PRRC2B: variants seen among roughly 807,000 people sequenced by gnomAD.
PRRC2B encodes the protein protein PRRC2B.
Under a neutral mutation model 242.3 loss-of-function variants are expected in PRRC2B, and 68 were observed. That is an observed-to-expected ratio of 0.28 (90% CI 0.23 to 0.34). The LOEUF (loss-of-function observed/expected upper bound fraction) is 0.34. Among genes scored for constraint, PRRC2B ranks in the 10% least tolerant of loss-of-function variants. PRRC2B has a pLI of 1.00. For missense variants in PRRC2B, 2,835 were observed against 2,954.8 expected (o/e 0.96, Z 0.94); for synonymous variants, 1,228 against 1,173.6 (o/e 1.05, Z -0.95).
At chr9:131,462,969 GTC>G (rs1943286733) in intron 11 of PRRC2B, among the ~76,000 whole-genome samples, 1 of 119,144 alleles carries the variant, frequency 8.4e-6, no homozygotes. Flanking sequence ...TGCCCTCTGA[GTC>G]TATTATTTCC....
At chr9:131,483,598 C>T (rs1461675110) in intron 23 of PRRC2B, among the ~76,000 whole-genome samples, 153 bp downstream of exon 23, 1 of 152,182 alleles carries the variant, frequency 6.6e-6, no homozygotes, top group African/African-American at 2.4e-5. Flanking sequence ...TTAAATGTTC[C>T]TGCCCAGGTT....
intron 1 of PRRC2B, among the ~76,000 whole-genome samples, chr9:131,426,337 C>CAAAAAA (rs5900939): frequency 1.2e-5 from 1 of 84,460 alleles, no homozygotes; most frequent in African/African-American, 4.2e-5. Flanking sequence ...AACTCTGTCT[C>CAAAAAA]AAAAAAAAAA....
At chr9:131,438,957 TG>T in intron 4 of PRRC2B, 31 bp from the exon 5 acceptor site, 1 of 1,558,564 alleles carries the variant, frequency 6.4e-7, no homozygotes, top group Non-Finnish European at 8.8e-7. Flanking sequence ...ATAAGGGAGC[TG>T]GCCCTCTTCT....
chr9:131,415,177 A>T (rs1034264052), intron 1 of PRRC2B, among the ~76,000 whole-genome samples: 2 of 150,890 alleles, frequency 1.3e-5, no homozygotes, highest in Non-Finnish European at 3.0e-5. Context: ...TATTTTTAGT[A>T]GAGACGGGGG....
chr9:131,420,683 T>C (rs954256388), intron 1 of PRRC2B, among the ~76,000 whole-genome samples: 25 of 151,004 alleles, frequency 1.7e-4, no homozygotes, highest in Non-Finnish European at 4.4e-5. Context: ...AGAGTCAGGG[T>C]GTCGCCATGT....
At position 131,482,866 on chromosome 9, in the gene PRRC2B, G is replaced by GTGC. The variant is rs1564299893; in HGVS notation, c.5336_5338dup (p.Leu1779dup). 6.2e-7 allele frequency: 1 copy of GTGC among 1,608,232 alleles called. No individual in the cohort carries two copies. Reference sequence around the variant, plus strand: ...CGGGGTGGAGATTCACGTGGACTCCGTGCTGCCTGTGCCACCCATTGAATT... The same window carrying GTGC: ...CGGGGTGGAGATTCACGTGGACTCCGTGCTGCTGCCTGTGCCACCCATTGAATT... On this transcript the variant is annotated inframe_insertion, in exon 22 of 32. Transcript: ENST00000683519. This position sits in a 1 kb window ranked among gnomAD's most constrained non-coding sequence, Gnocchi z 5.2.
rs184473099 is a variant in PRRC2B at position 131,388,491 on chromosome 9, C to T, written c.-56+14760C>T. ...CCAACCTCAGGTGATCCGCGCACCT[C>T]GGACTCCCAAAGTGCTGGGATTACA... On this transcript the variant is annotated intron_variant, in intron 1 of 1. Coordinates refer to the PRRC2B transcript ENST00000682525. Among the ~76,000 whole-genome samples the T allele has an allele frequency of 1.2e-3, 176 of 149,586 alleles. 6 individuals are homozygous for T. Among genetic ancestry groups the T allele is most frequent in the Middle Eastern group, 7.0e-3 (2 of 286 alleles).
intron 1 of PRRC2B, among the ~76,000 whole-genome samples, chr9:131,420,487 TTCTTTC>T (rs1837793839): frequency 3.2e-4 from 8 of 24,686 alleles, no homozygotes; most frequent in South Asian, 3.5e-3. Context: ...CTTTCTTTCT[TTCTTTC>T]TTTTTTTTTT....
chr9:131,473,648 A>T lies in PRRC2B; in HGVS notation c.2248A>T (p.Met750Leu). 1.2e-6 allele frequency: 2 copies of T among 1,613,894 alleles called. No homozygotes were observed. The highest frequency in any genetic ancestry group is 1.7e-6 in the Non-Finnish European group (2 of 1,179,864). The change falls in exon 15 of 32, where the codon ATG becomes TTG. Residue 750 changes from methionine to leucine, a missense_variant. Transcript: ENST00000683519. ...CCCTGTGTGGAGCCCAGAGGGCTAC[A>T]TGGCACTGCAGAGCAAGGGCTACCC... ...SPPVWSPEGY[M>L]ALQSKGYPLP...
chr9:131,412,562 G>C (rs1384891184), intron 1 of PRRC2B, among the ~76,000 whole-genome samples: 1 of 152,334 alleles, frequency 6.6e-6, no homozygotes, highest in Non-Finnish European at 1.5e-5. Flanking sequence ...GGCTGCATGG[G>C]CAGCTGCCAG....
At chr9:131,466,563 C>G (rs2131426872) in intron 12 of PRRC2B, among the ~76,000 whole-genome samples, 1 of 151,866 alleles carries the variant, frequency 6.6e-6, no homozygotes, top group Non-Finnish European at 1.5e-5. Context: ...TGTTGAGTTC[C>G]TGCTGTTCAG....
At chr9:131,484,524 C>A (rs535811087) in intron 23 of PRRC2B, among the ~76,000 whole-genome samples, 162 bp from the exon 24 acceptor site, 1 of 152,090 alleles carries the variant, frequency 6.6e-6, no homozygotes, top group South Asian at 2.1e-4. Flanking sequence ...TTCATAGACA[C>A]GGAGCTGTAG....
At chr9:131,467,878 C>T in intron 13 of PRRC2B, 125 bp downstream of exon 13, 2 of 945,820 alleles carry the variant, frequency 2.1e-6, no homozygotes, top group Middle Eastern at 2.7e-4. Context: ...TTATGTGCCC[C>T]CAAGACCAGT....
chr9:131,495,629 TAG>T, intron 31 of PRRC2B, 109 bp from the exon 32 acceptor site: 1 of 1,277,200 alleles, frequency 7.8e-7, no homozygotes, highest in Non-Finnish European at 1.1e-6. Context: ...ACTGACAACT[TAG>T]GGGAGCTTTC....
chr9:131,400,148 A>G (rs1362755237), intron 1 of PRRC2B, among the ~76,000 whole-genome samples: 1 of 151,732 alleles, frequency 6.6e-6, no homozygotes, highest in Non-Finnish European at 1.5e-5. Flanking sequence ...CAGTGATGTG[A>G]TCTCAGCTCA....
chr9:131,440,092 C>T (rs926543190), intron 5 of PRRC2B, among the ~76,000 whole-genome samples: 2 of 151,458 alleles, frequency 1.3e-5, no homozygotes, highest in African/African-American at 2.4e-5. Flanking sequence ...TGATTGGTTG[C>T]GACGAGATCT....
rs1286278431 is a variant in PRRC2B at position 131,499,888 on chromosome 9, GTTTTGT to G, written c.*4023_*4028del. The G allele has an allele frequency of 2.0e-5, 3 of 152,258 alleles. No individual in the cohort carries two copies. The highest frequency in any genetic ancestry group is 7.2e-5 in the African/African-American group (3 of 41,466). The allele number at this position is 152,258 out of a possible 1,614,324, so 9.4% of individuals were successfully genotyped here. On this transcript the variant is annotated 3_prime_UTR_variant, in exon 32 of 32. Transcript: ENST00000683519. Reference sequence around the variant, plus strand: ...TTTGTTTGGTTCCTGAGAGGGTTGTGTTTTGTTTTTGTTTCCTTTTGTTTATGTTTT... The same window carrying G: ...TTTGTTTGGTTCCTGAGAGGGTTGTGTTTTGTTTCCTTTTGTTTATGTTTT...
intron 3 of PRRC2B, among the ~76,000 whole-genome samples, chr9:131,436,304 G>A (rs1244810332): frequency 6.6e-6 from 1 of 152,206 alleles, no homozygotes; most frequent in Non-Finnish European, 1.5e-5. Flanking sequence ...AGCAGAGGTT[G>A]CATTGAGCCA....
intron 1 of PRRC2B, among the ~76,000 whole-genome samples, chr9:131,419,019 C>T (rs1180635457): frequency 6.6e-6 from 1 of 152,058 alleles, no homozygotes; most frequent in East Asian, 1.9e-4. Flanking sequence ...TTAAGATTTA[C>T]AGTTTTTCTG....
Sources: gnomAD v4.1 joint callset for allele counts (sites outside exome capture counted in the v4.1 genomes callset) on GRCh38, gnomAD v4.1.1 for gene constraint, Gnocchi (gnomAD v3.1) non-coding constraint, MANE v1.5 for transcripts, NCBI Gene and HGNC (gene_info 2026-07-23, HGNC 2026-07-21) for gene names.